Variants in ASTN2 observed in about 807,000 individuals in gnomAD.
The protein encoded by ASTN2 is astrotactin 2, also known as astrotactin-2.
A neutral mutation model predicts 139.8 loss-of-function variants in ASTN2; 54 were observed. That is an observed-to-expected ratio of 0.39 (90% CI 0.31 to 0.48). The LOEUF (loss-of-function observed/expected upper bound fraction) is 0.48. Ranked by LOEUF, ASTN2 falls within the 20% of genes least tolerant of loss-of-function variation. The pLI is 0.95. For missense variants in ASTN2, 1,565 were observed against 1,725.1 expected, an observed-to-expected ratio of 0.91 and a Z score of 1.64; for synonymous variants, 756 against 719.5, an observed-to-expected ratio of 1.05 and a Z score of -0.81.
chr9:117,200,717 T>G (rs963263016), intron 3 of ASTN2, among the ~76,000 whole-genome samples: 1 of 152,214 alleles, frequency 6.6e-6, no homozygotes, highest in African/African-American at 2.4e-5. Flanking sequence ...GAAGCCGACT[T>G]AATCATGGTG....
intron 5 of ASTN2, among the ~76,000 whole-genome samples, chr9:117,072,119 A>C (rs1237936915): frequency 6.6e-6 from 1 of 152,110 alleles, no homozygotes; most frequent in Non-Finnish European, 1.5e-5. Flanking sequence ...CATACACTTC[A>C]AGTCCATGCT....
At chr9:117,222,329 A>T (rs773107106) in intron 2 of ASTN2, among the ~76,000 whole-genome samples, 4 of 152,120 alleles carry the variant, frequency 2.6e-5, no homozygotes, top group Non-Finnish European at 4.4e-5. Flanking sequence ...AACCACCCCT[A>T]CTAAGCTCTT....
At chr9:117,251,298 T>G (rs1833531799) in intron 2 of ASTN2, among the ~76,000 whole-genome samples, 1 of 152,024 alleles carries the variant, frequency 6.6e-6, no homozygotes, top group Non-Finnish European at 1.5e-5. Flanking sequence ...TTTTTTTTTT[T>G]TAGGTAATGC....
At chr9:117,095,421 C>T (rs1013775911) in intron 5 of ASTN2, among the ~76,000 whole-genome samples, 1 of 152,166 alleles carries the variant, frequency 6.6e-6, no homozygotes, top group East Asian at 1.9e-4. Flanking sequence ...ACATTGAGTG[C>T]CATTGTGAGA....
At chr9:117,390,666 G>C (rs545131602) in intron 1 of ASTN2, among the ~76,000 whole-genome samples, 3 of 152,170 alleles carry the variant, frequency 2.0e-5, no homozygotes, top group East Asian at 3.9e-4. Context: ...TCTTTTTGCT[G>C]CTTGATATTA....
intron 3 of ASTN2, among the ~76,000 whole-genome samples, chr9:117,192,726 T>C (rs1048412059): frequency 1.3e-5 from 2 of 152,218 alleles, no homozygotes; most frequent in African/African-American, 4.8e-5. Flanking sequence ...GTCACAGGGA[T>C]AAATACAGTG....
intron 19 of ASTN2, among the ~76,000 whole-genome samples, chr9:116,508,966 C>T (rs1023132148): frequency 2.0e-5 from 3 of 152,084 alleles, no homozygotes; most frequent in African/African-American, 7.2e-5. Flanking sequence ...TCTACAGCTT[C>T]ATTTCCATCC....
chr9:116,589,696 T>C (rs1189335935), intron 19 of ASTN2, among the ~76,000 whole-genome samples: 3 of 152,312 alleles, frequency 2.0e-5, no homozygotes, highest in Admixed American at 2.0e-4. Flanking sequence ...GGCTCAAGCT[T>C]AGACTCCCAA....
chr9:117,337,075 A>G (rs941609713), intron 1 of ASTN2, among the ~76,000 whole-genome samples: 4 of 152,212 alleles, frequency 2.6e-5, no homozygotes, highest in Non-Finnish European at 5.9e-5. Context: ...TAATGCTAAC[A>G]TCAAATTAAT....
rs564731906 is a variant in ASTN2 at position 116,971,944 on chromosome 9, G to C, written c.1889+3264C>G. Among the ~76,000 whole-genome samples the C allele has an allele frequency of 6.1e-4, 93 of 152,322 alleles. 2 individuals carry two copies. The South Asian group carries it at 0.018, about 30-fold the overall frequency. On this transcript the variant is annotated intron_variant, in intron 10 of 22. Coordinates refer to ENST00000313400, the MANE Select transcript of ASTN2 (RefSeq NM_001365068.1). ...GTTAAGATTTGCACTCAGCCAATTT[G>C]CTTGAGGTCCATAGCCTATGCCCTC...
intron 20 of ASTN2, among the ~76,000 whole-genome samples, chr9:116,468,065 C>G (rs887593157): frequency 6.6e-6 from 1 of 152,192 alleles, no homozygotes; most frequent in African/African-American, 2.4e-5. Context: ...CTCTGAGTGT[C>G]AGTACTGAGG....
chr9:116,840,628 G>C, intron 11 of ASTN2, among the ~76,000 whole-genome samples: 1 of 120,672 alleles, frequency 8.3e-6, no homozygotes, highest in Non-Finnish European at 1.8e-5. Context: ...AGACGGGGCG[G>C]CTGCCGGGCG....
chr9:117,072,775 A>T (rs1025302706), intron 5 of ASTN2, among the ~76,000 whole-genome samples: 1 of 152,196 alleles, frequency 6.6e-6, no homozygotes, highest in African/African-American at 2.4e-5. Flanking sequence ...ATAGAATTTA[A>T]GTGGCTCCTC....
chr9:116,952,420 T>C (rs1324427100), intron 10 of ASTN2, among the ~76,000 whole-genome samples: 2 of 152,210 alleles, frequency 1.3e-5, no homozygotes, highest in Admixed American at 6.5e-5. Context: ...TTCCTGTTCA[T>C]TTCCTGGTGA....
intron 17 of ASTN2, among the ~76,000 whole-genome samples, chr9:116,642,748 C>T (rs769136704): frequency 2.0e-5 from 3 of 152,136 alleles, no homozygotes; most frequent in Admixed American, 6.5e-5. Context: ...TCCTGGTCCC[C>T]GCAATTCATC....
At chr9:117,184,573 T>G (rs1161196650) in intron 3 of ASTN2, among the ~76,000 whole-genome samples, 1 of 152,180 alleles carries the variant, frequency 6.6e-6, no homozygotes, top group African/African-American at 2.4e-5. Flanking sequence ...ACTGACACCC[T>G]TTATCTCTTT....
intron 1 of ASTN2, among the ~76,000 whole-genome samples, chr9:117,410,398 C>T (rs1216899608): frequency 2.0e-5 from 3 of 152,094 alleles, no homozygotes; most frequent in Non-Finnish European, 4.4e-5. Flanking sequence ...TTCCCACCAC[C>T]CTCATGTTAC....
intron 10 of ASTN2, among the ~76,000 whole-genome samples, chr9:116,960,579 A>T (rs1031382327): frequency 2.0e-5 from 3 of 151,232 alleles, no homozygotes; most frequent in African/African-American, 7.3e-5. Context: ...TCTTTATTTT[A>T]GCCCTGGGCA....
intron 2 of ASTN2, among the ~76,000 whole-genome samples, chr9:117,238,236 A>C (rs768997493): frequency 9.6e-4 from 146 of 152,102 alleles, no homozygotes; most frequent in Non-Finnish European, 4.6e-4. Context: ...GGATTTCTTT[A>C]GGTCCTTTGG....
Sources: gnomAD v4.1 joint callset for allele counts (sites outside exome capture counted in the v4.1 genomes callset) on GRCh38, gnomAD v4.1.1 for gene constraint, MANE v1.5 for transcripts, NCBI Gene and HGNC (gene_info 2026-07-23, HGNC 2026-07-21) for gene names.